Variants in ZBTB20 observed in about 807,000 individuals in gnomAD.
The protein encoded by ZBTB20 is zinc finger and BTB domain containing 20.
Under a neutral mutation model 56.9 loss-of-function variants are expected in ZBTB20, and 9 were observed. That is an observed-to-expected ratio of 0.16 (90% CI 0.10 to 0.28). The LOEUF is 0.28. Ranked by LOEUF, ZBTB20 falls within the 10% of genes least tolerant of loss-of-function variation. ZBTB20 has a pLI of 1.00. For synonymous variants in ZBTB20, 417 were observed against 420.7 expected (o/e 0.99, Z 0.11); for missense variants, 655 against 1,003.0 (o/e 0.65, Z 4.69).
chr3:114,625,745 T>C (rs1394017787), intron 6 of ZBTB20, among the ~76,000 whole-genome samples: 1 of 152,152 alleles, frequency 6.6e-6, no homozygotes, highest in East Asian at 1.9e-4. Flanking sequence ...CAAGAAGTGA[T>C]GCTCCCACTA....
chr3:114,443,684 G>A (rs2091077302), intron 7 of ZBTB20, among the ~76,000 whole-genome samples: 1 of 152,128 alleles, frequency 6.6e-6, no homozygotes, highest in African/African-American at 2.4e-5. Context: ...GTATATAAAT[G>A]GGAAAGAATC....
At chr3:114,470,555 C>T (rs1303744420) in intron 7 of ZBTB20, among the ~76,000 whole-genome samples, 1 of 152,060 alleles carries the variant, frequency 6.6e-6, no homozygotes, top group Non-Finnish European at 1.5e-5. Flanking sequence ...GAATTTTATG[C>T]ATTATTTCTA....
At chr3:114,474,327 T>G (rs1037325892) in intron 7 of ZBTB20, among the ~76,000 whole-genome samples, 2 of 152,216 alleles carry the variant, frequency 1.3e-5, no homozygotes, top group Non-Finnish European at 2.9e-5. Context: ...TAGAATCTAT[T>G]TTGTGTGTTT....
intron 5 of ZBTB20, 34 bp from the exon 6 acceptor site, chr3:114,693,609 A>G (rs1423100194): frequency 2.0e-5 from 3 of 152,134 alleles, no homozygotes; most frequent in Non-Finnish European, 2.9e-5. Context: ...AGTGCTAGGT[A>G]TTTATTTTAA....
chr3:114,537,625 C>A (rs1242246317), intron 6 of ZBTB20, among the ~76,000 whole-genome samples: 1 of 152,108 alleles, frequency 6.6e-6, no homozygotes, highest in Non-Finnish European at 1.5e-5. Flanking sequence ...ACCCAGCGAT[C>A]CCATTACTGA....
At position 114,770,416 on chromosome 3, in the gene ZBTB20, T is replaced by C. The variant is rs149572368; in HGVS notation, c.-343+30685A>G. On this transcript the variant is annotated intron_variant, in intron 5 of 11. Coordinates refer to ENST00000675478, the MANE Select transcript of ZBTB20 (RefSeq NM_001348800.3). The stretch of plus-strand genomic sequence containing the variant: ...GTGAGCTGAGATTATGCCATTGCAC[T>C]CCAGCCTGGGCAACAAGAGCAAAAC... Among the ~76,000 whole-genome samples the C allele has an allele frequency of 1.3e-4, 19 of 148,688 alleles. No homozygotes were observed. The East Asian group carries it at 2.8e-3, about 22-fold the overall frequency.
At chr3:114,659,793 A>G (rs1310826740) in intron 6 of ZBTB20, among the ~76,000 whole-genome samples, 4 of 152,178 alleles carry the variant, frequency 2.6e-5, no homozygotes, top group African/African-American at 9.6e-5. Flanking sequence ...AAGATTTATG[A>G]AGTGACTTCA....
At chr3:114,497,792 C>A (rs1479473204) in intron 7 of ZBTB20, among the ~76,000 whole-genome samples, 1 of 152,158 alleles carries the variant, frequency 6.6e-6, no homozygotes, top group Non-Finnish European at 1.5e-5. Flanking sequence ...ACTAGCTTTC[C>A]ATAAATGTTT....
intron 7 of ZBTB20, among the ~76,000 whole-genome samples, chr3:114,496,823 TA>T (rs1213792515): frequency 1.3e-5 from 2 of 152,150 alleles, no homozygotes; most frequent in African/African-American, 4.8e-5. Context: ...TGATTGACTT[TA>T]GGGGGGCATT....
In ZBTB20 at chr3:114,583,476, A is replaced by G. The variant is rs574622441; in HGVS notation, c.-294-83085T>C. ...ACAAGGACCAACTCAAACATGGCTA[A>G]AAGTGGGAATAAAAATAAGATTTCT... On this transcript the variant is annotated intron_variant, in intron 6 of 11. Transcript: ENST00000675478. Among the ~76,000 whole-genome samples the G allele has an allele frequency of 9.1e-4, 138 of 152,334 alleles. 1 individual carries two copies. The highest frequency in any genetic ancestry group is 3.3e-3 in the African/African-American group (136 of 41,582).
chr3:114,637,754 A>G (rs1386686774), intron 6 of ZBTB20, among the ~76,000 whole-genome samples: 1 of 152,150 alleles, frequency 6.6e-6, no homozygotes. Flanking sequence ...GGAATTCACA[A>G]TACAGTGGCC....
chr3:114,599,326 G>A (rs2056583560), intron 6 of ZBTB20: 2 of 152,182 alleles, frequency 1.3e-5, no homozygotes, highest in South Asian at 4.1e-4. Flanking sequence ...AAGGAGCTCT[G>A]TCTTAGAACT....
At chr3:114,368,195 G>A (rs1387287165) in intron 10 of ZBTB20, among the ~76,000 whole-genome samples, 2 of 152,098 alleles carry the variant, frequency 1.3e-5, no homozygotes, top group Admixed American at 1.3e-4. Context: ...ATGCAATTAT[G>A]CACATGAGGA....
At chr3:114,342,254 C>A (rs1199358769) in intron 11 of ZBTB20, among the ~76,000 whole-genome samples, 1 of 152,122 alleles carries the variant, frequency 6.6e-6, no homozygotes, top group Non-Finnish European at 1.5e-5. Context: ...ACAGCAATCC[C>A]AAAATGGTTT....
chr3:114,377,806 T>C (rs1193623246), intron 10 of ZBTB20, among the ~76,000 whole-genome samples: 2 of 152,154 alleles, frequency 1.3e-5, no homozygotes, highest in African/African-American at 4.8e-5. Flanking sequence ...CTCAGTTTTC[T>C]CATCTGTAAA....
At chr3:114,904,013 C>T (rs746630409) in intron 3 of ZBTB20, among the ~76,000 whole-genome samples, 1 of 151,928 alleles carries the variant, frequency 6.6e-6, no homozygotes, top group Non-Finnish European at 1.5e-5. Context: ...TGTTAAGTGG[C>T]GTGTCTTCAG....
intron 3 of ZBTB20, among the ~76,000 whole-genome samples, chr3:114,904,743 T>C (rs2075257885): frequency 1.3e-5 from 2 of 151,906 alleles, no homozygotes; most frequent in Admixed American, 1.3e-4. Context: ...GCCCTTCATT[T>C]TGAAAAGCTA....
At chr3:114,673,453 T>C (rs1161595125) in intron 6 of ZBTB20, among the ~76,000 whole-genome samples, 1 of 152,134 alleles carries the variant, frequency 6.6e-6, no homozygotes, top group Non-Finnish European at 1.5e-5. Context: ...CCTCGACTAT[T>C]TAACTGATCA....
intron 7 of ZBTB20, among the ~76,000 whole-genome samples, chr3:114,493,745 C>G (rs932980767): frequency 6.6e-6 from 1 of 152,150 alleles, no homozygotes; most frequent in East Asian, 1.9e-4. Context: ...TTTTATTTGC[C>G]CTTAGAGCAC....
Sources: gnomAD v4.1 joint callset for allele counts (sites outside exome capture counted in the v4.1 genomes callset) on GRCh38, gnomAD v4.1.1 for gene constraint, MANE v1.5 for transcripts, NCBI Gene and HGNC (gene_info 2026-07-23, HGNC 2026-07-21) for gene names.